Variants in IFT140 observed in about 807,000 individuals in gnomAD.
IFT140 encodes intraflagellar transport protein 140 homolog.
IFT140 carries 133 observed loss-of-function variants against 164.6 expected under a neutral mutation model. That is an observed-to-expected ratio of 0.81 (90% CI 0.70 to 0.93). The LOEUF is 0.93. Ranked by LOEUF, IFT140 falls within the 40% of genes least tolerant of loss-of-function variation. The pLI is 0.00. For synonymous variants in IFT140, 860 were observed against 817.3 expected (o/e 1.05, Z -0.89); for missense variants, 2,045 against 1,972.3 (o/e 1.04, Z -0.70).
intron 7 of IFT140, among the ~76,000 whole-genome samples, chr16:1,588,371 A>C (rs2035003190): frequency 6.6e-6 from 1 of 151,972 alleles, no homozygotes; most frequent in Admixed American, 6.6e-5. Flanking sequence ...TAAAAATACA[A>C]AAAATTAGCC....
intron 19 of IFT140, among the ~76,000 whole-genome samples, chr16:1,527,617 G>A (rs2040748320): frequency 1.3e-5 from 2 of 152,310 alleles, no homozygotes; most frequent in African/African-American, 4.8e-5. Flanking sequence ...TGTTGCCTAG[G>A]CTGGAGTGCA....
chr16:1,567,540 G>A (rs564753202), intron 15 of IFT140, among the ~76,000 whole-genome samples: 50 of 152,308 alleles, frequency 3.3e-4, no homozygotes, highest in African/African-American at 1.2e-3. Flanking sequence ...CCAAGCACAC[G>A]TGCCTCCTTC....
chr16:1,610,350 C>T (rs2036273452), intron 2 of IFT140: 4 of 154,894 alleles, frequency 2.6e-5, no homozygotes, highest in Admixed American at 1.3e-4. Context: ...TCCCGTTTCG[C>T]CTCGGGGGTG....
rs1394174234 is a variant in IFT140, at chr16:1,584,315, G to C, written c.1261C>G (p.Gln421Glu). ...ACATTCAGCAGACTCGGGGAGACCT[G>C]CATGGCGGCCACTTGCTGGTGGAAG... is the stretch of plus-strand genomic sequence containing the variant. ...SHFHQQVAAM[Q>E]VSPSLLNVCF... The change falls in exon 11 of 31, where the codon CAG becomes GAG. Residue 421 changes from glutamine (Q) to glutamate (E), a missense_variant. Gln to Glu is a conservative substitution (Grantham distance 29). Transcript: ENST00000426508. The C allele has an allele frequency of 6.2e-7, 1 of 1,613,692 alleles. No homozygotes were observed. Among genetic ancestry groups the C allele is most frequent in the Middle Eastern group, 1.6e-4 (1 of 6,062 alleles).
intron 13 of IFT140, chr16:1,576,715 T>C (rs1272002374): frequency 6.6e-6 from 1 of 151,768 alleles, no homozygotes; most frequent in Non-Finnish European, 1.5e-5. Context: ...ATGCATAAAA[T>C]ATAGGTAGAT....
intron 3 of IFT140, 129 bp downstream of exon 3, chr16:1,606,991 C>T: frequency 1.1e-6 from 1 of 874,090 alleles, no homozygotes; most frequent in Non-Finnish European, 1.8e-6. Context: ...CACGCACACA[C>T]AGATGCATGT....
Position 1,533,968 on chromosome 16 carries a change from C to T in IFT140, c.2400-7172G>A, listed in dbSNP as rs573971486. ...GGCACGCGCGGCACAGGCCGGCCTC[C>T]GCTTCCCGGGAAGACGGCGCACTCC... On this transcript the variant is annotated intron_variant, in intron 19 of 30. Coordinates refer to ENST00000426508, the MANE Select transcript of IFT140 (RefSeq NM_014714.4). The surrounding 1 kb of genome is among the most constrained non-coding windows in gnomAD (Gnocchi z 4.7). 557 of 436,974 alleles carry T rather than the reference C, an allele frequency of 1.3e-3. 1 individual carries two copies. The highest frequency in any genetic ancestry group is 2.4e-3 in the South Asian group (79 of 33,252). 27.1% of individuals were successfully genotyped at this position (436,974 alleles called of 1,614,324 possible). A position where few individuals can be genotyped will look rare whatever the true frequency, so the allele number is the denominator to read the frequency against.
intron 19 of IFT140, among the ~76,000 whole-genome samples, chr16:1,542,553 G>C (rs1011511633): frequency 6.6e-6 from 1 of 152,218 alleles, no homozygotes; most frequent in Non-Finnish European, 1.5e-5. Flanking sequence ...GGAAGGCCAA[G>C]GCATGTGCTC....
intron 19 of IFT140, chr16:1,534,109 C>A: frequency 1.3e-6 from 1 of 799,030 alleles, no homozygotes; most frequent in Non-Finnish European, 1.9e-6. Context: ...TAAGGCCGGG[C>A]CGAGAGGCGG....
intron 19 of IFT140, among the ~76,000 whole-genome samples, chr16:1,544,465 G>T (rs956886029): frequency 8.6e-5 from 13 of 151,778 alleles, no homozygotes; most frequent in African/African-American, 2.9e-4. Context: ...GATTATAGGC[G>T]TGAGCCACCG....
chr16:1,538,213 G>A (rs1045995334), intron 19 of IFT140, among the ~76,000 whole-genome samples: 1 of 152,218 alleles, frequency 6.6e-6, no homozygotes, highest in Non-Finnish European at 1.5e-5. Context: ...GGTGAGCCAT[G>A]CACCCTGGGG....
rs534284692 is a variant in IFT140 at position 1,541,695 on chromosome 16, C to T, written c.2400-14899G>A. On this transcript the variant is annotated intron_variant, in intron 19 of 30. Transcript: ENST00000426508. The stretch of plus-strand genomic sequence containing the variant: ...GGGATACGACCACTGCAGCCAGGCC[C>T]GGCGGCTGGGATGAACCCTTCCCAT... Among the ~76,000 whole-genome samples the T allele has an allele frequency of 3.3e-5, 5 of 152,210 alleles. No individual in the cohort carries two copies. The South Asian group carries it at 6.2e-4, about 19-fold the overall frequency.
intron 19 of IFT140, among the ~76,000 whole-genome samples, chr16:1,548,129 G>C (rs1305263088): frequency 6.6e-6 from 1 of 152,240 alleles, no homozygotes; most frequent in Admixed American, 6.5e-5. Flanking sequence ...AGAGAGGATT[G>C]TTTGGGTCAC....
chr16:1,515,096 C>A (rs2040300133), intron 30 of IFT140, among the ~76,000 whole-genome samples: 1 of 152,028 alleles, frequency 6.6e-6, no homozygotes, highest in East Asian at 1.9e-4. Flanking sequence ...TGTGTGTCTA[C>A]TAGATATGGA....
Position 1,607,191 on chromosome 16 carries a change from C to G in IFT140, c.76G>C (p.Val26Leu), listed in dbSNP as rs1295600196. The G allele has an allele frequency of 5.0e-6, 8 of 1,613,998 alleles. No homozygotes were observed. The highest frequency in any genetic ancestry group is 2.2e-5 in the South Asian group (2 of 91,082). ...GSPSFISWHP[V>L]HPFLAVAYIS... is the part of the protein sequence containing the mutation. ...TAAGCAACTGCCAAGAATGGATGGA[C>G]AGGGTGCCAGCTGATAAATGAGGGT... Residue 26 changes from valine (V) to leucine (L), a missense_variant, in exon 3 of 31, where the codon GTC becomes CTC. Transcript: ENST00000426508.
At chr16:1,569,336 C>G (rs1277341879) in intron 14 of IFT140, among the ~76,000 whole-genome samples, 1 of 151,924 alleles carries the variant, frequency 6.6e-6, no homozygotes, top group African/African-American at 2.4e-5. Flanking sequence ...GGACACCTGT[C>G]TCTTCTCCTC....
intron 19 of IFT140, chr16:1,542,189 C>T: frequency 8.4e-7 from 1 of 1,195,640 alleles, no homozygotes. Flanking sequence ...GGCCATACCT[C>T]TCAACATGGC....
chr16:1,521,848 C>G (rs191554605), intron 26 of IFT140, among the ~76,000 whole-genome samples: 1 of 149,128 alleles, frequency 6.7e-6, no homozygotes, highest in Non-Finnish European at 1.5e-5. Context: ...CAGTCAGACC[C>G]CCATCTCCAC....
Position 1,558,068 on chromosome 16 carries a change from T to C in IFT140, c.2266A>G (p.Arg756Gly), listed in dbSNP as rs1306683281. The stretch of plus-strand genomic sequence containing the variant: ...CCCACAAAGTCTCGCAGGGGTCTCC[T>C]GGACACCATCTGAGGGATGTGGTGG... ...GCHHIPQMVS[R>G]RPLRDFVGLE... Residue 756 changes from arginine to glycine, a missense_variant, in exon 19 of 31, where the codon AGG becomes GGG. Transcript: ENST00000426508. The C allele has an allele frequency of 3.1e-6, 5 of 1,614,144 alleles. No homozygotes were observed. Among genetic ancestry groups the C allele is most frequent in the Non-Finnish European group, 3.4e-6 (4 of 1,180,038 alleles).
Sources: allele counts gnomAD v4.1 joint callset (sites outside exome capture counted in the v4.1 genomes callset), GRCh38; gene constraint gnomAD v4.1.1; non-coding constraint Gnocchi (gnomAD v3.1); transcripts MANE v1.5; gene names NCBI Gene and HGNC (gene_info 2026-07-23, HGNC 2026-07-21).